Variants in SBNO1 observed in about 807,000 individuals in gnomAD.
The protein encoded by SBNO1 is strawberry notch homolog 1.
Under a neutral mutation model 173.6 loss-of-function variants are expected in SBNO1, and 23 were observed. That is an observed-to-expected ratio of 0.13 (90% CI 0.10 to 0.19). SBNO1 has a LOEUF of 0.19. SBNO1 is among the 10% of genes least tolerant of loss of function. The pLI is 1.00. For synonymous variants in SBNO1, 632 were observed against 571.5 expected (o/e 1.11, Z -1.51); for missense variants, 1,238 against 1,671.2 (o/e 0.74, Z 4.52).
intron 1 of SBNO1, among the ~76,000 whole-genome samples, chr12:123,351,414 T>A (rs550461251): frequency 6.6e-6 from 1 of 152,276 alleles, no homozygotes; most frequent in East Asian, 1.9e-4. Context: ...TGCAAGAGGT[T>A]AGCTTGAGGC....
chr12:123,329,692 A>G (rs1870991859), intron 9 of SBNO1, among the ~76,000 whole-genome samples: 1 of 152,162 alleles, frequency 6.6e-6, no homozygotes, highest in Non-Finnish European at 1.5e-5. Context: ...TCCACCCAGT[A>G]AAACCCACCC....
At chr12:123,344,364 G>A (rs926520415) in intron 4 of SBNO1, among the ~76,000 whole-genome samples, 6 of 152,070 alleles carry the variant, frequency 3.9e-5, no homozygotes, top group Non-Finnish European at 8.8e-5. Flanking sequence ...ACCTTGAGAG[G>A]AGAACCAAAA....
chr12:123,331,458 A>C, intron 7 of SBNO1, 83 bp from the exon 8 acceptor site: 1 of 575,866 alleles, frequency 1.7e-6, no homozygotes, highest in Non-Finnish European at 2.6e-6. Flanking sequence ...TAGGAGTAGG[A>C]ATATGTTATG....
intron 24 of SBNO1, 85 bp downstream of exon 24, chr12:123,313,531 AAACT>A (rs1326259210): frequency 4.4e-6 from 3 of 679,638 alleles, no homozygotes; most frequent in Non-Finnish European, 7.4e-6. Flanking sequence ...CCAAAGAAAA[AAACT>A]AATATAACAG....
At chr12:123,363,119 C>T (rs914304199) in intron 1 of SBNO1, among the ~76,000 whole-genome samples, 1 of 151,712 alleles carries the variant, frequency 6.6e-6, no homozygotes, top group African/African-American at 2.4e-5. Flanking sequence ...ATTCCAAACG[C>T]AATTATATGG....
chr12:123,308,233 G>T (rs1054829694), intron 28 of SBNO1, among the ~76,000 whole-genome samples: 1 of 151,964 alleles, frequency 6.6e-6, no homozygotes, highest in African/African-American at 2.4e-5. Context: ...AGATGTGTGC[G>T]CACACACACC....
intron 5 of SBNO1, among the ~76,000 whole-genome samples, chr12:123,340,513 G>A (rs1397832647): frequency 1.3e-5 from 2 of 149,668 alleles, no homozygotes; most frequent in Non-Finnish European, 3.0e-5. Flanking sequence ...CCTGGGAGGT[G>A]GAGGTTACAG....
chr12:123,348,156 C>G (rs1323293183), intron 2 of SBNO1, 23 bp from the exon 3 acceptor site: 6 of 1,261,610 alleles, frequency 4.8e-6, no homozygotes, highest in African/African-American at 3.1e-5. Flanking sequence ...CAACATCAGA[C>G]AAAAAATAAA....
chr12:123,302,235 A>ATTGTTTTTTTTT (rs991463096), intron 30 of SBNO1, among the ~76,000 whole-genome samples: 2 of 106,268 alleles, frequency 1.9e-5, no homozygotes, highest in Non-Finnish European at 1.9e-5. Context: ...ACCTGGCCTT[A>ATTGTTTTTTTTT]TTGTTTTTTT....
chr12:123,309,730 C>G lies in SBNO1; in HGVS notation c.3422G>C (p.Arg1141Thr), dbSNP rs780127026. ...AVVQNAKKNG[R>T]YDMGILDLGS... ...CTTACCTAAGATTCCCATATCATAT[C>G]TTCCATTTTTTTTGGCATTTTGAAC... is the stretch of plus-strand genomic sequence containing the variant. Residue 1141 changes from arginine (R) to threonine (T), a missense_variant, in exon 26 of 32, where the codon AGA (arginine) becomes ACA (threonine). Transcript: ENST00000602398. The G allele has an allele frequency of 1.9e-6, 3 of 1,612,140 alleles. No homozygotes were observed. Among genetic ancestry groups the G allele is most frequent in the Non-Finnish European group, 2.5e-6 (3 of 1,179,510 alleles).
Position 123,308,738 on chromosome 12 carries a change from C to G in SBNO1, c.3630+572G>C, listed in dbSNP as rs1000247856. ...CTATAATTCCTTTGGGAGGACAAGG[C>G]AGGCAGATCACCTGAGGTCAGGAGT... is the stretch of plus-strand genomic sequence containing the variant. On this transcript the variant is annotated intron_variant, in intron 28 of 31. Transcript: ENST00000602398. 8.6e-5 allele frequency among the ~76,000 whole-genome samples: 13 copies of G among 152,028 alleles called. 1 individual carries two copies. The highest frequency in any genetic ancestry group is 6.6e-4 in the Admixed American group (10 of 15,238).
At chr12:123,345,714 G>C (rs749625651) in intron 3 of SBNO1, 144 bp from the exon 4 acceptor site, 316 of 729,712 alleles carry the variant, frequency 4.3e-4, no homozygotes, top group Non-Finnish European at 6.2e-4. Context: ...GTCTCATTCT[G>C]TCATGCAGGC....
intron 4 of SBNO1, among the ~76,000 whole-genome samples, chr12:123,341,583 G>C (rs902814670): frequency 2.0e-5 from 3 of 152,030 alleles, no homozygotes; most frequent in Non-Finnish European, 4.4e-5. Flanking sequence ...GTGCGTTGGC[G>C]CAATCTCAGC....
At chr12:123,358,864 C>A (rs150172409) in intron 1 of SBNO1, among the ~76,000 whole-genome samples, 1 of 152,072 alleles carries the variant, frequency 6.6e-6, no homozygotes, top group East Asian at 1.9e-4. Context: ...GTACTCCCAA[C>A]CCTGTTCCAG....
At chr12:123,342,392 A>G (rs924630336) in intron 4 of SBNO1, among the ~76,000 whole-genome samples, 3 of 152,132 alleles carry the variant, frequency 2.0e-5, no homozygotes, top group African/African-American at 7.2e-5. Flanking sequence ...CAGAGCCTGC[A>G]ATGAGCCGAG....
intron 10 of SBNO1, 54 bp from the exon 11 acceptor site, chr12:123,328,081 A>G (rs951283555): frequency 2.8e-6 from 4 of 1,428,140 alleles, no homozygotes; most frequent in African/African-American, 2.9e-5. Flanking sequence ...AAGAATCTCC[A>G]GTCTTTCAAG....
rs370310293 is a variant in SBNO1, at chr12:123,321,525, C to T, written c.2323+10G>A. 1 of 1,585,934 alleles carries T rather than the reference C, an allele frequency of 6.3e-7. No individual in the cohort carries two copies. ...TATGCTTTCGTGTATATTTAATATA[C>T]TGAACTTACCATTTTCATCATCCTC... On this transcript the variant is annotated intron_variant, in intron 17 of 31. Transcript: ENST00000602398.
rs544498747 is a variant in SBNO1 at position 123,320,052 on chromosome 12, AT to A, written c.2668-22del. ...GTCATCTGAGAAGCCAAACAATGTC[AT>A]TACAATGAAGGTATCTGACTGCGGT... On this transcript the variant is annotated intron_variant, in intron 19 of 31. Transcript: ENST00000602398. 6.0e-5 allele frequency: 97 copies of A among 1,613,518 alleles called. No individual in the cohort carries two copies. In the South Asian group the frequency reaches 9.9e-4, roughly 16 times the overall value.
chr12:123,355,241 G>T (rs1000387224), intron 1 of SBNO1, among the ~76,000 whole-genome samples: 8 of 151,986 alleles, frequency 5.3e-5, no homozygotes, highest in African/African-American at 1.4e-4. Flanking sequence ...GGATGGTCTC[G>T]ATCTACTGAC....
Sources: allele counts gnomAD v4.1 joint callset (sites outside exome capture counted in the v4.1 genomes callset), GRCh38; gene constraint gnomAD v4.1.1; transcripts MANE v1.5; gene names NCBI Gene and HGNC (gene_info 2026-07-23, HGNC 2026-07-21).